The following LPCAT1 variants were observed in gnomAD, a reference collection of about 807,000 sequenced individuals.
LPCAT1 encodes 1-acylglycerol-3-phosphate O-acyltransferase.
LPCAT1 carries 23 observed loss-of-function variants against 60.9 expected under a neutral mutation model. The observed-to-expected ratio is 0.38, with a 90% CI of 0.27 to 0.53. The LOEUF (loss-of-function observed/expected upper bound fraction) is 0.53. LPCAT1 is among the 20% of genes least tolerant of loss of function. The pLI is 0.82. For missense variants in LPCAT1, 622 were observed against 723.6 expected, an observed-to-expected ratio of 0.86 and a Z score of 1.61; for synonymous variants, 340 against 301.1, an observed-to-expected ratio of 1.13 and a Z score of -1.34.
At chr5:1,492,823 G>A (rs1459732010) in intron 3 of LPCAT1, among the ~76,000 whole-genome samples, 4 of 152,198 alleles carry the variant, frequency 2.6e-5, no homozygotes, top group African/African-American at 4.8e-5. Context: ...GGGAGAGCCC[G>A]GCCAACGCTC....
At position 1,480,634 on chromosome 5, in the gene LPCAT1, T is replaced by C. The variant is rs963008271; in HGVS notation, c.761+308A>G. Among the ~76,000 whole-genome samples the C allele has an allele frequency of 2.6e-5, 4 of 152,106 alleles. No individual in the cohort carries two copies. The highest frequency in any genetic ancestry group is 9.7e-5 in the African/African-American group (4 of 41,414). On this transcript the variant is annotated intron_variant, in intron 7 of 13. Coordinates refer to ENST00000283415, the MANE Select transcript of LPCAT1 (RefSeq NM_024830.5). This position sits in a 1 kb window ranked among gnomAD's most constrained non-coding sequence, Gnocchi z 6.4. ...CCCCCAGACACCCCTAAATCTCCAC[T>C]TTCCTTACCAGGGGCCACCAGGTGG...
intron 6 of LPCAT1, among the ~76,000 whole-genome samples, chr5:1,482,274 C>G (rs1014299096): frequency 6.6e-6 from 1 of 151,262 alleles, no homozygotes; most frequent in Middle Eastern, 3.4e-3. Context: ...CGGCGGCAGG[C>G]CTGTGAGGCA....
Position 1,523,145 on chromosome 5 carries a change from C to A in LPCAT1, c.135+565G>T, listed in dbSNP as rs1736724809. On this transcript the variant is annotated intron_variant, in intron 1 of 13. Transcript: ENST00000283415. This position sits in a 1 kb window ranked among gnomAD's most constrained non-coding sequence, Gnocchi z 7.1. ...GCCTACAGGGGACCCTACAGGGGACCCGCACCGCCCGCGCGCCCTGTCCCG... is the reference window on the plus strand; with the variant it reads ...GCCTACAGGGGACCCTACAGGGGACACGCACCGCCCGCGCGCCCTGTCCCG... Among the ~76,000 whole-genome samples the A allele has an allele frequency of 6.6e-6, 1 of 152,198 alleles. No individual in the cohort carries two copies. Among genetic ancestry groups the A allele is most frequent in the Admixed American group, 6.5e-5 (1 of 15,290 alleles).
At position 1,523,684 on chromosome 5, in the gene LPCAT1, CG is replaced by C. The variant is rs1322875314; in HGVS notation, c.135+25del. 8.3e-6 allele frequency: 9 copies of C among 1,083,936 alleles called. No individual in the cohort carries two copies. The highest frequency in any genetic ancestry group is 1.1e-4 in the Admixed American group (2 of 18,524). The allele number at this position is 1,083,936 out of a possible 1,614,324, so 67.1% of individuals were successfully genotyped here. A position where few individuals can be genotyped will look rare whatever the true frequency, so the allele number is the denominator to read the frequency against. On this transcript the variant is annotated intron_variant, in intron 1 of 13. Transcript: ENST00000283415. The surrounding 1 kb of genome is among the most constrained non-coding windows in gnomAD (Gnocchi z 7.1). ...CATCCCTGGCGTCCGCGCCGGCTCC[CG>C]GGGCCGCGCGCCCTGGGCACCCACC...
At position 1,494,869 on chromosome 5, in the gene LPCAT1, G is replaced by T; in HGVS notation, c.324C>A (p.Phe108Leu). The T allele has an allele frequency of 6.2e-7, 1 of 1,612,990 alleles. No homozygotes were observed. Among genetic ancestry groups the T allele is most frequent in the South Asian group, 1.1e-5 (1 of 90,986 alleles). Reference sequence around the variant, plus strand: ...CGGCCACCCGGTGGAAGCCGCCGGCGAACCACATGGTGCGCATGATGGCCT... The same window carrying T: ...CGGCCACCCGGTGGAAGCCGCCGGCTAACCACATGGTGCGCATGATGGCCT... ...LLKAIMRTMW[F>L]AGGFHRVAVK... Residue 108 changes from phenylalanine (F) to leucine (L), a missense_variant, in exon 3 of 14, where the codon TTC becomes TTA. This residue lies in a region of LPCAT1 where 209 missense variants were observed against 325.5 expected (regional missense o/e 0.64). Transcript: ENST00000283415.
At chr5:1,518,578 G>A (rs1736579661) in intron 1 of LPCAT1, among the ~76,000 whole-genome samples, 1 of 152,234 alleles carries the variant, frequency 6.6e-6, no homozygotes. Context: ...CCGACCTCAT[G>A]ATCCGCCCGC....
rs201246426 is a variant in LPCAT1 at position 1,483,412 on chromosome 5, A to G, written c.726+16T>C. 23 of 1,613,666 alleles carry G rather than the reference A, an allele frequency of 1.4e-5. No individual in the cohort carries two copies. Among genetic ancestry groups the G allele is most frequent in the Non-Finnish European group, 1.7e-5 (20 of 1,179,988 alleles). ...AGAATTCCCCTGGAAGCTGACCCCA[A>G]AAAAACACAACTCACCAGTTTATTT... On this transcript the variant is annotated intron_variant, in intron 6 of 13. Coordinates refer to ENST00000283415, the MANE Select transcript of LPCAT1 (RefSeq NM_024830.5). This position sits in a 1 kb window ranked among gnomAD's most constrained non-coding sequence, Gnocchi z 9.2.
Position 1,477,504 on chromosome 5 carries a change from C to T in LPCAT1, c.817-18G>A. ...GGAAGGAACTGAGCACACAGAGAAG[C>T]TGCGTTAGTATCACAAGACGCTGAC... is the stretch of plus-strand genomic sequence containing the variant. On this transcript the variant is annotated intron_variant, in intron 8 of 13. Transcript: ENST00000283415. The surrounding 1 kb of genome is among the most constrained non-coding windows in gnomAD (Gnocchi z 6.0). 1 of 1,594,428 alleles carries T rather than the reference C, an allele frequency of 6.3e-7. No individual in the cohort carries two copies. The highest frequency in any genetic ancestry group is 1.1e-5 in the South Asian group (1 of 90,484).
chr5:1,484,084 A>G (rs1376277522), intron 5 of LPCAT1, among the ~76,000 whole-genome samples: 1 of 152,206 alleles, frequency 6.6e-6, no homozygotes, highest in Non-Finnish European at 1.5e-5. Flanking sequence ...CCTGGGGCTC[A>G]GCTCCAAGGA....
intron 13 of LPCAT1, among the ~76,000 whole-genome samples, chr5:1,465,471 G>GCA (rs36070105): frequency 0.7 from 103,717 of 148,042 alleles, 36,343 homozygotes; most frequent in South Asian, 0.83. Flanking sequence ...AAACATGCAT[G>GCA]CACACACAAA....
In LPCAT1 at chr5:1,473,977, T is replaced by C. The variant is rs769696449; in HGVS notation, c.1159A>G (p.Met387Val). Reference sequence around the variant, plus strand: ...CCTACCTCGTCGAACAGTGAAAACATGTCTTCCAGCAAGTCAGAAACGGGG... The same window carrying C: ...CCTACCTCGTCGAACAGTGAAAACACGTCTTCCAGCAAGTCAGAAACGGGG... ...EVPVSDLLED[M>V]FSLFDESGSG... The change falls in exon 11 of 14, where the codon ATG becomes GTG. Residue 387 changes from methionine to valine, a missense_variant. Coordinates refer to ENST00000283415, the MANE Select transcript of LPCAT1 (RefSeq NM_024830.5). 8.1e-6 allele frequency: 13 copies of C among 1,614,046 alleles called. No individual in the cohort carries two copies. The South Asian group carries it at 1.4e-4, about 18-fold the overall frequency.
chr5:1,492,417 G>T (rs1357181221), intron 3 of LPCAT1, among the ~76,000 whole-genome samples: 1 of 152,196 alleles, frequency 6.6e-6, no homozygotes, highest in African/African-American at 2.4e-5. Context: ...GAATCAGAGG[G>T]TGCTCCAGGT....
At position 1,501,452 on chromosome 5, in the gene LPCAT1, G is replaced by A. The variant is rs757455628; in HGVS notation, c.278+9C>T. On this transcript the variant is annotated intron_variant, in intron 2 of 13. Coordinates refer to ENST00000283415, the MANE Select transcript of LPCAT1 (RefSeq NM_024830.5). ...CCCAGGAGGAGAGCACGGCACACGC[G>A]CAACTTACTTCCTCCACAGGGCCGG... 1.3e-5 allele frequency: 21 copies of A among 1,605,674 alleles called. No individual in the cohort carries two copies. The highest frequency in any genetic ancestry group is 1.7e-5 in the Admixed American group (1 of 58,794).
rs951820312 is a variant in LPCAT1 at position 1,487,095 on chromosome 5, T to G, written c.667+1296A>C. On this transcript the variant is annotated intron_variant, in intron 5 of 13. Coordinates refer to ENST00000283415, the MANE Select transcript of LPCAT1 (RefSeq NM_024830.5). This position sits in a 1 kb window ranked among gnomAD's most constrained non-coding sequence, Gnocchi z 6.1. ...CCTCCCTGCAGGCACGAGGCTCCAC[T>G]CCCGAGGAACACCTGCCCTTGAAGA... is the stretch of plus-strand genomic sequence containing the variant. Among the ~76,000 whole-genome samples, 4 of 152,136 alleles carry G rather than the reference T, an allele frequency of 2.6e-5. No homozygotes were observed. Among genetic ancestry groups the G allele is most frequent in the Non-Finnish European group, 4.4e-5 (3 of 68,012 alleles).
chr5:1,520,362 G>C (rs1002143271), intron 1 of LPCAT1, among the ~76,000 whole-genome samples: 1 of 152,202 alleles, frequency 6.6e-6, no homozygotes, highest in Non-Finnish European at 1.5e-5. Context: ...GCAGGGAGGG[G>C]CAGAATCTGT....
rs1314117656 is a variant in LPCAT1 at position 1,501,471 on chromosome 5, G to A, written c.268C>T (p.Leu90=). 6.2e-7 allele frequency: 1 copy of A among 1,612,310 alleles called. No homozygotes were observed. The highest frequency in any genetic ancestry group is 1.7e-5 in the Admixed American group (1 of 59,874). Residue 90 remains leucine, a synonymous_variant, in exon 2 of 14, where the codon CTG becomes TTG. Transcript: ENST00000283415. ...ACACGCGCAACTTACTTCCTCCACA[G>A]GGCCGGGGGCTGCTCGGGTTCCTTC... ...AEKEPEQPPA[L]WRKVVDFLLK... is the part of the protein sequence containing the mutation.
Position 1,496,955 on chromosome 5 carries a change from G to T in LPCAT1, c.279-2041C>A, listed in dbSNP as rs1735815818. ...ATCTATCTGCATACACAGGAGCGGG[G>T]ATCTCCATCAGCACCCCCAGGAAAT... On this transcript the variant is annotated intron_variant, in intron 2 of 13. Transcript: ENST00000283415. The surrounding 1 kb of genome is among the most constrained non-coding windows in gnomAD (Gnocchi z 4.7). Among the ~76,000 whole-genome samples the T allele has an allele frequency of 1.3e-5, 2 of 152,252 alleles. No homozygotes were observed. Among genetic ancestry groups the T allele is most frequent in the Middle Eastern group, 3.4e-3 (1 of 294 alleles).
rs13089 is a variant in LPCAT1, at chr5:1,462,617, G to C, written c.*1034C>G. The C allele has an allele frequency of 0.71, 108,166 of 152,130 alleles. 38,517 individuals are homozygous for C. The highest frequency in any genetic ancestry group is 0.83 in the South Asian group (3,987 of 4,820). The allele number at this position is 152,130 out of a possible 1,614,324, so 9.4% of individuals were successfully genotyped here. A position where few individuals can be genotyped will look rare whatever the true frequency, so the allele number is the denominator to read the frequency against. On this transcript the variant is annotated 3_prime_UTR_variant, in exon 14 of 14. Coordinates refer to ENST00000283415, the MANE Select transcript of LPCAT1 (RefSeq NM_024830.5). ...GTCAGCCATACTCGGGTGGCAGCGTGACGCCAGTCACCATGGAAACCAGGG... is the reference window on the plus strand; with the variant it reads ...GTCAGCCATACTCGGGTGGCAGCGTCACGCCAGTCACCATGGAAACCAGGG...
Position 1,477,453 on chromosome 5 carries a change from TCTC to T in LPCAT1, c.847_849del (p.Glu283del). ...CTGGCATACAGCGCGGGGTTCCTCT[TCTC>T]CTCCTCAGAAGGGCTGTACACAGGA... On this transcript the variant is annotated inframe_deletion, in exon 9 of 14. Transcript: ENST00000283415. The surrounding 1 kb of genome is among the most constrained non-coding windows in gnomAD (Gnocchi z 6.0). 1.2e-6 allele frequency: 2 copies of T among 1,613,932 alleles called. No homozygotes were observed. Among genetic ancestry groups the T allele is most frequent in the Non-Finnish European group, 1.7e-6 (2 of 1,179,926 alleles).
Sources: allele counts gnomAD v4.1 joint callset (sites outside exome capture counted in the v4.1 genomes callset), GRCh38; gene constraint gnomAD v4.1.1; regional missense constraint gnomAD v4.1.1; non-coding constraint Gnocchi (gnomAD v3.1); transcripts MANE v1.5; gene names NCBI Gene and HGNC (gene_info 2026-07-23, HGNC 2026-07-21).